The following TTN variants were observed in gnomAD, a reference collection of about 807,000 sequenced individuals.
The protein encoded by TTN is titin.
A neutral mutation model predicts 3,223.0 loss-of-function variants in TTN; 1,525 were observed. The ratio of observed to expected loss-of-function variants is 0.47; its 90% CI spans 0.45 to 0.49. The LOEUF (loss-of-function observed/expected upper bound fraction) is 0.49. TTN is among the 20% of genes least tolerant of loss of function. TTN has a pLI of 0.00. For missense variants in TTN, 40,786 were observed against 43,424.0 expected, an observed-to-expected ratio of 0.94 and a Z score of 5.40; for synonymous variants, 14,094 against 15,161.0, an observed-to-expected ratio of 0.93 and a Z score of 5.17.
Position 178,630,845 on chromosome 2 carries a change from C to A in TTN, c.44113G>T (p.Ala14705Ser). 1 of 1,613,288 alleles carries A rather than the reference C, an allele frequency of 6.2e-7. No individual in the cohort carries two copies. The highest frequency in any genetic ancestry group is 8.5e-7 in the Non-Finnish European group (1 of 1,179,466). ...GCCTCTCCCTTGAGTTTCCAGTTGG[C>A]GTGGATATCATCTTCAGAGATTTCG... The part of the protein sequence containing the change: ...ETEISEDDIH[A>S]NWKLKGEALL... Residue 14705 changes from alanine to serine, a missense_variant, in exon 238 of 363, where the codon GCC (alanine) becomes TCC (serine). Ala to Ser is a moderately conservative substitution (Grantham distance 99). Transcript: ENST00000589042.
Position 178,799,806 on chromosome 2 carries a change from C to G in TTN, c.669+19G>C. 6.2e-7 allele frequency: 1 copy of G among 1,614,112 alleles called. No individual in the cohort carries two copies. The highest frequency in any genetic ancestry group is 8.5e-7 in the Non-Finnish European group (1 of 1,180,010). On this transcript the variant is annotated intron_variant, in intron 5 of 362. Transcript: ENST00000589042. ...GCAACAGCCTGAAAGGCTTGAAAAC[C>G]AACAGTATAGAAAAATACCTTTTCA...
Position 178,574,577 on chromosome 2 carries a change from G to C in TTN, c.71555C>G (p.Ser23852Cys), listed in dbSNP as rs1177699712. ...TCCTAAAATGGGGCTTCCACCATCA[G>C]AAAGTGGCTCATGCCAGCTAATTGT... ...SMTISWHEPL[S>C]DGGSPILGYH... Residue 23852 changes from serine (S) to cysteine (C), a missense_variant, in exon 326 of 363, where the codon TCT becomes TGT. Coordinates refer to ENST00000589042, the MANE Select transcript of TTN (RefSeq NM_001267550.2). 1.5e-5 allele frequency: 24 copies of C among 1,613,514 alleles called. No homozygotes were observed. The highest frequency in any genetic ancestry group is 2.0e-5 in the Non-Finnish European group (24 of 1,179,604).
In TTN at chr2:178,756,579, A is replaced by G. The variant is rs756352573; in HGVS notation, c.10897T>C (p.Cys3633Arg). 6.2e-7 allele frequency: 1 copy of G among 1,612,396 alleles called. No individual in the cohort carries two copies. Among genetic ancestry groups the G allele is most frequent in the South Asian group, 1.1e-5 (1 of 90,906 alleles). The change falls in exon 46 of 363, where the codon TGC (cysteine) becomes CGC (arginine). Residue 3633 changes from cysteine to arginine, a missense_variant. Cys to Arg is a radical substitution (Grantham distance 180). Transcript: ENST00000589042. ...TAASVQDTQL[C>R]HTASLSQIAE... ...ATTTGTGAAAGGGATGCAGTATGGCACAACTGTGTATCTTGAACAGATGCA... is the reference window on the plus strand; with the variant it reads ...ATTTGTGAAAGGGATGCAGTATGGCGCAACTGTGTATCTTGAACAGATGCA...
intron 241 of TTN, 32 bp downstream of exon 241, chr2:178,625,241 A>T: frequency 6.2e-7 from 1 of 1,600,872 alleles, no homozygotes. Flanking sequence ...CCTCTGCCTT[A>T]TACATGTTTT....
At chr2:178,671,923 G>A in intron 155 of TTN, 48 bp downstream of exon 155, 1 of 1,560,504 alleles carries the variant, frequency 6.4e-7, no homozygotes, top group Non-Finnish European at 8.6e-7. Context: ...TCAAAGGAAA[G>A]TTAGAGCAAG....
chr2:178,602,409 G>GATTA lies in TTN; in HGVS notation c.54992_54993insTAAT (p.Cys18332AsnfsTer3). On this transcript the variant is annotated frameshift_variant, in exon 283 of 363. Coordinates refer to ENST00000589042, the MANE Select transcript of TTN (RefSeq NM_001267550.2). LOFTEE classifies it high-confidence loss of function. ...TCAGATTAGGCACCACACATTCACA[G>GATTA]GTAGTTATAAGTTTGTCTGGTTCAT... is the stretch of plus-strand genomic sequence containing the variant. 1 of 1,612,662 alleles carries GATTA rather than the reference G, an allele frequency of 6.2e-7. No homozygotes were observed. The highest frequency in any genetic ancestry group is 1.3e-5 in the African/African-American group (1 of 74,920).
In TTN at chr2:178,531,519, T is replaced by C; in HGVS notation, c.105096A>G (p.Thr35032=). The C allele has an allele frequency of 6.2e-7, 1 of 1,613,976 alleles. No individual in the cohort carries two copies. The highest frequency in any genetic ancestry group is 1.1e-5 in the South Asian group (1 of 91,086). Residue 35032 remains threonine, a synonymous_variant, in exon 358 of 363, where the codon ACA becomes ACG. Coordinates refer to ENST00000589042, the MANE Select transcript of TTN (RefSeq NM_001267550.2). The part of the protein sequence containing the change: ...EASDYATLDV[T]GGDYTTYASQ... ...AAGCATAGGTGGTATAATCCCCTCCTGTCACGTCCAACGTTGCATAGTCAG... is the reference window on the plus strand; with the variant it reads ...AAGCATAGGTGGTATAATCCCCTCCCGTCACGTCCAACGTTGCATAGTCAG...
chr2:178,577,771 C>G lies in TTN; in HGVS notation c.68655G>C (p.Ser22885=). The G allele has an allele frequency of 6.2e-7, 1 of 1,613,266 alleles. No homozygotes were observed. The highest frequency in any genetic ancestry group is 8.5e-7 in the Non-Finnish European group (1 of 1,179,554). Residue 22885 remains serine, a synonymous_variant, in exon 323 of 363, where the codon TCG becomes TCC. Transcript: ENST00000589042. ...GYIVEKRDLP[S]KSWMKANHVN... ...CATGGTTGGCTTTCATCCAAGACTT[C>G]GAAGGTAGATCTCGCTTCTCCACTA...
chr2:178,717,942 C>A lies in TTN; in HGVS notation c.25063+1G>T, dbSNP rs754247415. On this transcript the variant is annotated splice_donor_variant, in intron 86 of 362. Transcript: ENST00000589042. LOFTEE classifies it high-confidence loss of function. ...CACACTAGGTTAAACAACACCATCA[C>A]CTTTGATAACAAGCACAGCTGAAGA... 6.2e-7 allele frequency: 1 copy of A among 1,610,328 alleles called. No individual in the cohort carries two copies. Among genetic ancestry groups the A allele is most frequent in the Non-Finnish European group, 8.5e-7 (1 of 1,177,150 alleles).
chr2:178,790,916 C>T lies in TTN; in HGVS notation c.1663-71G>A, dbSNP rs78283901. ...AAGCAATGGGAAGACATCCTTGAAA[C>T]ACTCAGGAAAATACAGGATGCTTAG... On this transcript the variant is annotated intron_variant, in intron 10 of 362. Coordinates refer to ENST00000589042, the MANE Select transcript of TTN (RefSeq NM_001267550.2). 4.6e-3 allele frequency: 7,295 copies of T among 1,577,104 alleles called. 291 individuals carry two copies. In the African/African-American group the frequency reaches 0.085, roughly 18 times the overall value.
At chr2:178,799,152 T>G (rs2093919258) in intron 6 of TTN, 2 of 321,906 alleles carry the variant, frequency 6.2e-6, no homozygotes, top group Admixed American at 4.0e-5. Flanking sequence ...GCGAGGCCTG[T>G]GCCCATGGAC....
In TTN at chr2:178,574,493, A is replaced by G; in HGVS notation, c.71639T>C (p.Leu23880Ser). 1 of 1,613,660 alleles carries G rather than the reference A, an allele frequency of 6.2e-7. No homozygotes were observed. The highest frequency in any genetic ancestry group is 8.5e-7 in the Non-Finnish European group (1 of 1,179,652). ...TGATTTGAAAATGTTGCCTGGTACT[A>G]AAGCTTTGCTCACAGTCTGCCAGAG... ...GILWQTVSKA[L>S]VPGNIFKSSG... Residue 23880 changes from leucine (L) to serine (S), a missense_variant, in exon 326 of 363, where the codon TTA (leucine) becomes TCA (serine). Physicochemically the swap from Leu to Ser is moderately radical, Grantham distance 145 (BLOSUM62 -2). Coordinates refer to ENST00000589042, the MANE Select transcript of TTN (RefSeq NM_001267550.2).
rs747031060 is a variant in TTN, at chr2:178,559,637, C to T, written c.86495G>A (p.Ser28832Asn). Reference protein sequence around the residue: ...KYTLTIQNVLSAASLTLVVKV... With the variant: ...KYTLTIQNVLNAASLTLVVKV... ...GACAACTAAGGTCAGTGAAGCAGCACTCAAAACATTCTGAATTGTTAATGT... is the reference window on the plus strand; with the variant it reads ...GACAACTAAGGTCAGTGAAGCAGCATTCAAAACATTCTGAATTGTTAATGT... The change falls in exon 326 of 363, where the codon AGT (serine) becomes AAT (asparagine). Residue 28832 changes from serine to asparagine, a missense_variant. Coordinates refer to ENST00000589042, the MANE Select transcript of TTN (RefSeq NM_001267550.2). The T allele has an allele frequency of 6.2e-7, 1 of 1,613,758 alleles. No individual in the cohort carries two copies. Among genetic ancestry groups the T allele is most frequent in the South Asian group, 1.1e-5 (1 of 91,054 alleles).
In TTN at chr2:178,577,432, G is replaced by T; in HGVS notation, c.68903C>A (p.Ala22968Asp). ...IKAGDTIVLN[A>D]ISILGKPLPK... ...AAGGGGTTTGCCAAGAATGCTAATG[G>T]CATTCAAAACAATGGTATCCCCTGC... The change falls in exon 324 of 363, where the codon GCC (alanine) becomes GAC (aspartate). Residue 22968 changes from alanine to aspartate, a missense_variant. Coordinates refer to ENST00000589042, the MANE Select transcript of TTN (RefSeq NM_001267550.2). 1.2e-6 allele frequency: 2 copies of T among 1,610,250 alleles called. No homozygotes were observed. Among genetic ancestry groups the T allele is most frequent in the Non-Finnish European group, 1.7e-6 (2 of 1,178,068 alleles).
chr2:178,700,938 C>T (rs1241911471), intron 111 of TTN, among the ~76,000 whole-genome samples, 182 bp downstream of exon 111: 8 of 152,236 alleles, frequency 5.3e-5, no homozygotes, highest in Middle Eastern at 3.4e-3. Context: ...TGATGATTTT[C>T]AGAGTTTTAA....
rs750213547 is a variant in TTN, at chr2:178,548,496, C to T, written c.93130G>A (p.Gly31044Ser). Residue 31044 changes from glycine (G) to serine (S), a missense_variant, in exon 339 of 363, where the codon GGT becomes AGT. Gly to Ser is a moderately conservative substitution (Grantham distance 56). Transcript: ENST00000589042. This position sits in a 1 kb window ranked among gnomAD's most constrained non-coding sequence, Gnocchi z 4.3. ...TLMWDAPLLD[G>S]GARIHHYVVE... ...ACATAATGATGGATTCGGGCACCAC[C>T]GTCAAGAAGAGGGGCATCCCACATC... 101 of 1,613,726 alleles carry T rather than the reference C, an allele frequency of 6.3e-5. No homozygotes were observed. Among genetic ancestry groups the T allele is most frequent in the Non-Finnish European group, 8.1e-5 (95 of 1,179,820 alleles).
At chr2:178,694,521 T>C in intron 117 of TTN, 78 bp downstream of exon 117, 1 of 1,003,496 alleles carries the variant, frequency 1.0e-6, no homozygotes, top group Non-Finnish European at 1.4e-6. Context: ...TGTGAGTTAC[T>C]TAGCAATATA....
chr2:178,729,159 T>C lies in TTN; in HGVS notation c.18879A>G (p.Ser6293=), dbSNP rs2154306951. 6.3e-7 allele frequency: 1 copy of C among 1,582,362 alleles called. No individual in the cohort carries two copies. Among genetic ancestry groups the C allele is most frequent in the Non-Finnish European group, 8.6e-7 (1 of 1,164,760 alleles). The change falls in exon 65 of 363, where the codon TCA becomes TCG. Residue 6293 remains serine (S), a synonymous_variant. Coordinates refer to ENST00000589042, the MANE Select transcript of TTN (RefSeq NM_001267550.2). ...TGGTATTTTCTATCTTCTTAATGAA[T>C]GATGGTGGTTCTGTGATTAAATAAG... ...STRVALKEPP[S]FIKKIENTTT...
chr2:178,592,451 C>T lies in TTN; in HGVS notation c.59554G>A (p.Gly19852Ser), dbSNP rs746700153. The change falls in exon 301 of 363, where the codon GGT becomes AGT. Residue 19852 changes from glycine to serine, a missense_variant. Transcript: ENST00000589042. ...LEIRNAAHED[G>S]GIYSLTVENP... ...TCCACTGTTAAAGAATAAATTCCAC[C>T]ATCTTCATGGGCAGCATTACGAATT... is the stretch of plus-strand genomic sequence containing the variant. The T allele has an allele frequency of 1.9e-6, 3 of 1,613,496 alleles. No homozygotes were observed. Among genetic ancestry groups the T allele is most frequent in the South Asian group, 1.1e-5 (1 of 91,062 alleles).
Sources: allele counts gnomAD v4.1 joint callset (sites outside exome capture counted in the v4.1 genomes callset), GRCh38; gene constraint gnomAD v4.1.1; non-coding constraint Gnocchi (gnomAD v3.1); transcripts MANE v1.5; gene names NCBI Gene and HGNC (gene_info 2026-07-23, HGNC 2026-07-21).